Variants in GSG1L observed in about 807,000 individuals in gnomAD.
GSG1L encodes germ cell-specific gene 1-like protein.
A neutral mutation model predicts 42.1 loss-of-function variants in GSG1L; 24 were observed. That is an observed-to-expected ratio of 0.57 (90% CI 0.41 to 0.80). The LOEUF is 0.80. Among genes scored for constraint, GSG1L ranks in the 30% least tolerant of loss-of-function variants. GSG1L has a pLI of 0.00. For missense variants in GSG1L, 445 were observed against 472.2 expected, an observed-to-expected ratio of 0.94 and a Z score of 0.53; for synonymous variants, 215 against 203.5, an observed-to-expected ratio of 1.06 and a Z score of -0.48.
At chr16:27,860,687 T>A (rs1324519068) in intron 3 of GSG1L, among the ~76,000 whole-genome samples, 2 of 152,226 alleles carry the variant, frequency 1.3e-5, no homozygotes, top group African/African-American at 4.8e-5. Flanking sequence ...TTAGGGGCTT[T>A]TAGACTCCCC....
intron 6 of GSG1L, among the ~76,000 whole-genome samples, chr16:27,793,020 C>A (rs778494441): frequency 6.6e-6 from 1 of 152,226 alleles, no homozygotes; most frequent in Non-Finnish European, 1.5e-5. Context: ...CGTATAATTT[C>A]ATTTTCCTAC....
At chr16:27,948,895 C>T (rs2084918729) in intron 2 of GSG1L, among the ~76,000 whole-genome samples, 1 of 91,042 alleles carries the variant, frequency 1.1e-5, no homozygotes, top group African/African-American at 4.8e-5. Context: ...AGGTGTGAAC[C>T]ACCGCACCTG....
intron 1 of GSG1L, among the ~76,000 whole-genome samples, chr16:28,004,026 G>A (rs2085608980): frequency 6.6e-6 from 1 of 152,200 alleles, no homozygotes; most frequent in South Asian, 2.1e-4. Flanking sequence ...TGAGTGTCAC[G>A]CACCAGCCAG....
At chr16:27,938,022 T>C (rs2084738471) in intron 2 of GSG1L, among the ~76,000 whole-genome samples, 1 of 151,994 alleles carries the variant, frequency 6.6e-6, no homozygotes, top group Non-Finnish European at 1.5e-5. Context: ...CTAGGTCTCC[T>C]TTTCAAAAAA....
intron 5 of GSG1L, among the ~76,000 whole-genome samples, chr16:27,810,139 G>A (rs1271536740): frequency 6.6e-6 from 1 of 152,222 alleles, no homozygotes; most frequent in Non-Finnish European, 1.5e-5. Context: ...TGCCCTCAGA[G>A]TCCTTCTGGC....
intron 6 of GSG1L, among the ~76,000 whole-genome samples, chr16:27,792,509 T>C (rs1408025196): frequency 6.6e-6 from 1 of 152,168 alleles, no homozygotes; most frequent in Non-Finnish European, 1.5e-5. Context: ...CGCACCAGAA[T>C]CATTCCCATC....
At chr16:27,801,148 G>C (rs531575340) in intron 6 of GSG1L, among the ~76,000 whole-genome samples, 1 of 152,210 alleles carries the variant, frequency 6.6e-6, no homozygotes, top group African/African-American at 2.4e-5. Context: ...GTTCAAGAAA[G>C]AGGAAGGTCA....
At chr16:28,019,333 G>T (rs1383767015) in intron 1 of GSG1L, among the ~76,000 whole-genome samples, 1 of 152,158 alleles carries the variant, frequency 6.6e-6, no homozygotes, top group African/African-American at 2.4e-5. Context: ...TAATTATAAT[G>T]CATTAGCATG....
chr16:27,932,704 T>A (rs7194900), intron 2 of GSG1L, among the ~76,000 whole-genome samples: 3 of 151,870 alleles, frequency 2.0e-5, no homozygotes, highest in African/African-American at 4.8e-5. Flanking sequence ...TCACCCATCC[T>A]ACTAACTTTG....
At chr16:27,933,870 G>A (rs76867134) in intron 2 of GSG1L, among the ~76,000 whole-genome samples, 1 of 152,268 alleles carries the variant, frequency 6.6e-6, no homozygotes, top group East Asian at 1.9e-4. Flanking sequence ...TAGCTGCTCA[G>A]GGCTGGGCCC....
At chr16:27,973,103 T>A (rs1028161241) in intron 1 of GSG1L, among the ~76,000 whole-genome samples, 1 of 151,902 alleles carries the variant, frequency 6.6e-6, no homozygotes, top group African/African-American at 2.4e-5. Flanking sequence ...CCTGTAGGGG[T>A]CTTGTGAAGA....
At chr16:27,812,084 C>G (rs1328169574) in intron 5 of GSG1L, among the ~76,000 whole-genome samples, 1 of 152,198 alleles carries the variant, frequency 6.6e-6, no homozygotes, top group Non-Finnish European at 1.5e-5. Flanking sequence ...AGGAGACAGT[C>G]AGTCCAGCCT....
intron 2 of GSG1L, among the ~76,000 whole-genome samples, chr16:27,911,260 TCTCTCG>T (rs1370079098): frequency 1.7e-5 from 2 of 117,242 alleles, no homozygotes; most frequent in African/African-American, 3.1e-5. Context: ...TCATCACCTC[TCTCTCG>T]CTCTCTCTCT....
At chr16:28,003,426 T>G (rs1335716677) in intron 1 of GSG1L, among the ~76,000 whole-genome samples, 1 of 152,144 alleles carries the variant, frequency 6.6e-6, no homozygotes, top group East Asian at 1.9e-4. Context: ...CCTGCCTCCC[T>G]CAAACATTCC....
chr16:28,007,425 T>C (rs1031863667), intron 1 of GSG1L, among the ~76,000 whole-genome samples: 1 of 152,152 alleles, frequency 6.6e-6, no homozygotes, highest in African/African-American at 2.4e-5. Context: ...GATGCCTTCA[T>C]TTTAGACTCC....
chr16:28,055,755 C>T lies in GSG1L; in HGVS notation c.349+7321G>A, dbSNP rs143655563. ...AAAGTGCTGGGATTACAGGCATGAG[C>T]CACCACGCCCGGCCCATTCCCCTTT... On this transcript the variant is annotated intron_variant, in intron 1 of 6. Transcript: ENST00000447459. 6.7e-3 allele frequency among the ~76,000 whole-genome samples: 1,017 copies of T among 152,302 alleles called. 10 individuals are homozygous for T. Among genetic ancestry groups the T allele is most frequent in the Non-Finnish European group, 0.011 (726 of 68,022 alleles).
chr16:27,966,581 T>A, intron 1 of GSG1L, among the ~76,000 whole-genome samples: 1 of 152,182 alleles, frequency 6.6e-6, no homozygotes, highest in East Asian at 1.9e-4. Flanking sequence ...AATAAATGAA[T>A]GAATGCCACT....
rs2085560303 is a variant in GSG1L at position 27,999,640 on chromosome 16, C to T, written c.350-36437G>A. Among the ~76,000 whole-genome samples the T allele has an allele frequency of 2.6e-5, 4 of 152,180 alleles. No individual in the cohort carries two copies. The South Asian group carries it at 8.3e-4, about 32-fold the overall frequency. ...AGCTAAGCTCTTATAAGCTCTGCCT[C>T]CCTAACTTAATTCTTCACAATACCT... On this transcript the variant is annotated intron_variant, in intron 1 of 6. Transcript: ENST00000447459.
At chr16:27,854,491 G>A (rs969312623) in intron 3 of GSG1L, among the ~76,000 whole-genome samples, 1 of 152,182 alleles carries the variant, frequency 6.6e-6, no homozygotes, top group African/African-American at 2.4e-5. Flanking sequence ...TCCCCTGGGA[G>A]CCACAGGGAG....
Sources: allele counts gnomAD v4.1 joint callset (sites outside exome capture counted in the v4.1 genomes callset), GRCh38; gene constraint gnomAD v4.1.1; transcripts MANE v1.5; gene names NCBI Gene and HGNC (gene_info 2026-07-23, HGNC 2026-07-21).